NOS3: variants seen among roughly 807,000 people sequenced by gnomAD.
NOS3 encodes nitric oxide synthase 3.
NOS3 carries 98 observed loss-of-function variants against 144.9 expected under a neutral mutation model. The ratio of observed to expected loss-of-function variants is 0.68; its 90% CI spans 0.57 to 0.80. The LOEUF is 0.80. Ranked by LOEUF, NOS3 falls within the 30% of genes least tolerant of loss-of-function variation. NOS3 has a pLI of 0.00. For synonymous variants in NOS3, 714 were observed against 702.4 expected, an observed-to-expected ratio of 1.02 and a Z score of -0.26; for missense variants, 1,465 against 1,656.4, an observed-to-expected ratio of 0.88 and a Z score of 2.01.
Position 151,002,236 on chromosome 7 carries a change from G to A in NOS3, c.1684G>A (p.Glu562Lys), listed in dbSNP as rs751831161. 6.2e-7 allele frequency: 1 copy of A among 1,601,380 alleles called. No homozygotes were observed. The highest frequency in any genetic ancestry group is 1.7e-5 in the Admixed American group (1 of 58,040). ...GGATGAGTATGACGTGGTGTCCCTC[G>A]AACACGAGACGCTGGTGCTGGTGGT... The part of the protein sequence containing the change: ...CMDEYDVVSL[E>K]HETLVLVVTS... The change falls in exon 14 of 27, where the codon GAA becomes AAA. Residue 562 changes from glutamate (E) to lysine (K), a missense_variant. Transcript: ENST00000297494. The surrounding 1 kb of genome is among the most constrained non-coding windows in gnomAD (Gnocchi z 4.1).
intron 14 of NOS3, among the ~76,000 whole-genome samples, chr7:151,004,725 A>T (rs1795179751): frequency 6.6e-6 from 1 of 152,266 alleles, no homozygotes. Context: ...TATAAAGTTC[A>T]GAAACAGGCA....
At chr7:151,011,820 G>A (rs540435018) in intron 23 of NOS3, 85 of 442,812 alleles carry the variant, frequency 1.9e-4, no homozygotes, top group African/African-American at 8.9e-4. Flanking sequence ...CACCGCGCCC[G>A]GACCGAGGGT....
In NOS3 at chr7:151,014,363, G is replaced by T. The variant is rs1584916620; in HGVS notation, c.*194G>T. 2 of 616,220 alleles carry T rather than the reference G, an allele frequency of 3.2e-6. No individual in the cohort carries two copies. Among genetic ancestry groups the T allele is most frequent in the Non-Finnish European group, 5.4e-6 (2 of 372,616 alleles). The allele number at this position is 616,220 out of a possible 1,614,324, so 38.2% of individuals were successfully genotyped here. A position where few individuals can be genotyped will look rare whatever the true frequency, so the allele number is the denominator to read the frequency against. On this transcript the variant is annotated 3_prime_UTR_variant, in exon 27 of 27. Coordinates refer to ENST00000297494, the MANE Select transcript of NOS3 (RefSeq NM_000603.5). Reference sequence around the variant, plus strand: ...TTCCCTCTCTAGGCCTGTTGCCTCGGGCCTGGGTCCGCCTTAATCTGGAAG... The same window carrying T: ...TTCCCTCTCTAGGCCTGTTGCCTCGTGCCTGGGTCCGCCTTAATCTGGAAG...
chr7:151,003,473 C>T lies in NOS3; in HGVS notation c.1752+1169C>T. 8.2e-7 allele frequency: 1 copy of T among 1,226,198 alleles called. No homozygotes were observed. The highest frequency in any genetic ancestry group is 1.0e-6 in the Non-Finnish European group (1 of 954,186). The allele number at this position is 1,226,198 out of a possible 1,614,324, so 76.0% of individuals were successfully genotyped here. ...AATCTCGTGAAACCCTTTTTGCTGCCTTAGTGTCCGTTTCAGCCCTCATTC... is the reference window on the plus strand; with the variant it reads ...AATCTCGTGAAACCCTTTTTGCTGCTTTAGTGTCCGTTTCAGCCCTCATTC... On this transcript the variant is annotated intron_variant, in intron 14 of 26. Coordinates refer to ENST00000297494, the MANE Select transcript of NOS3 (RefSeq NM_000603.5). This position sits in a 1 kb window ranked among gnomAD's most constrained non-coding sequence, Gnocchi z 4.1.
Position 151,006,938 on chromosome 7 carries a change from T to C in NOS3, c.1870T>C (p.Ser624Pro). ...NSISCSDPLV[S>P]SWRRKRKESS... The stretch of plus-strand genomic sequence containing the variant: ...CATCTCCTGCTCAGACCCACTGGTG[T>C]CCTCTTGGCGGCGGAAGAGGAAGGA... The change falls in exon 16 of 27, where the codon TCC becomes CCC. Residue 624 changes from serine to proline, a missense_variant. Physicochemically the swap from Ser to Pro is moderately conservative, Grantham distance 74. Transcript: ENST00000297494. 9 of 1,614,082 alleles carry C rather than the reference T, an allele frequency of 5.6e-6. No individual in the cohort carries two copies. The highest frequency in any genetic ancestry group is 7.6e-6 in the Non-Finnish European group (9 of 1,180,000).
At chr7:151,010,360 A>AC in intron 21 of NOS3, 73 bp downstream of exon 21, 1 of 1,423,092 alleles carries the variant, frequency 7.0e-7, no homozygotes. Context: ...GTGGCAGGAA[A>AC]CCCCCATGCA....
rs760418997 is a variant in NOS3, at chr7:151,003,346, T to C, written c.1752+1042T>C. The C allele has an allele frequency of 2.1e-6, 2 of 955,526 alleles. No homozygotes were observed. The highest frequency in any genetic ancestry group is 1.4e-5 in the South Asian group (1 of 70,356). The allele number at this position is 955,526 out of a possible 1,614,324, so 59.2% of individuals were successfully genotyped here. The stretch of plus-strand genomic sequence containing the variant: ...TCGCCATGTTGCCCAGGCTGGTCTC[T>C]AACTCCTGGGTTCAAGCAATCCACC... On this transcript the variant is annotated intron_variant, in intron 14 of 26. Coordinates refer to ENST00000297494, the MANE Select transcript of NOS3 (RefSeq NM_000603.5). This position sits in a 1 kb window ranked among gnomAD's most constrained non-coding sequence, Gnocchi z 4.1.
intron 15 of NOS3, among the ~76,000 whole-genome samples, 154 bp from the exon 16 acceptor site, chr7:151,006,735 G>C (rs1795211566): frequency 6.6e-6 from 1 of 152,182 alleles, no homozygotes; most frequent in Admixed American, 6.5e-5. Context: ...CCCAGGCTCG[G>C]AACCCCAGGG....
Position 151,013,712 on chromosome 7 carries a change from G to A in NOS3, c.3256-12G>A, listed in dbSNP as rs77325852. On this transcript the variant is annotated splice_polypyrimidine_tract_variant and intron_variant, in intron 25 of 26. Coordinates refer to ENST00000297494, the MANE Select transcript of NOS3 (RefSeq NM_000603.5). Reference sequence around the variant, plus strand: ...CCCCACCAGGGCCCGCCCTAACCCCGCCGCCCCGCAGACCTACGTGCAGGA... The same window carrying A: ...CCCCACCAGGGCCCGCCCTAACCCCACCGCCCCGCAGACCTACGTGCAGGA... The A allele has an allele frequency of 0.014, 16,510 of 1,157,552 alleles. 1,400 individuals carry two copies. The African/African-American group carries it at 0.2, about 14-fold the overall frequency. The allele number at this position is 1,157,552 out of a possible 1,614,324, so 71.7% of individuals were successfully genotyped here. A position where few individuals can be genotyped will look rare whatever the true frequency, so the allele number is the denominator to read the frequency against.
intron 1 of NOS3, among the ~76,000 whole-genome samples, 177 bp downstream of exon 1, chr7:150,991,477 CCA>C (rs1802254530): frequency 1.3e-5 from 2 of 152,184 alleles, no homozygotes; most frequent in Non-Finnish European, 2.9e-5. Flanking sequence ...ACGAGAAAGC[CCA>C]TTTGTCTAGA....
At chr7:151,008,908 C>T (rs770142858) in intron 17 of NOS3, 22 bp from the exon 18 acceptor site, 2 of 1,597,930 alleles carry the variant, frequency 1.3e-6, no homozygotes, top group South Asian at 2.3e-5. Context: ...AGGTCCTCAG[C>T]CCTCACCGGC....
At chr7:150,991,700 G>A (rs1225527697) in intron 1 of NOS3, among the ~76,000 whole-genome samples, 1 of 152,192 alleles carries the variant, frequency 6.6e-6, no homozygotes, top group African/African-American at 2.4e-5. Flanking sequence ...CAGTGGTGCA[G>A]GCAAGAAGAC....
At position 151,001,817 on chromosome 7, in the gene NOS3, G is replaced by A. The variant is rs745693447; in HGVS notation, c.1503-4G>A. On this transcript the variant is annotated splice_polypyrimidine_tract_variant and splice_region_variant and intron_variant, in intron 12 of 26. Transcript: ENST00000297494. ...GGACACCCTCACACCTTCCTCTCCC[G>A]CAGCGCCGTGAAGATCTCCGCCTCG... is the stretch of plus-strand genomic sequence containing the variant. The A allele has an allele frequency of 1.2e-5, 19 of 1,613,476 alleles. No individual in the cohort carries two copies. Among genetic ancestry groups the A allele is most frequent in the Middle Eastern group, 1.6e-4 (1 of 6,084 alleles).
Position 151,002,147 on chromosome 7 carries a change from G to T in NOS3, c.1648-53G>T. The stretch of plus-strand genomic sequence containing the variant: ...CTGCCAGGGAGGCCAGAGTGAGGAG[G>T]GCAGGGCCTCCGGGGGCCACAGCAC... On this transcript the variant is annotated intron_variant, in intron 13 of 26. Transcript: ENST00000297494. This position sits in a 1 kb window ranked among gnomAD's most constrained non-coding sequence, Gnocchi z 4.1. 1 of 1,430,816 alleles carries T rather than the reference G, an allele frequency of 7.0e-7. No homozygotes were observed. Among genetic ancestry groups the T allele is most frequent in the Non-Finnish European group, 9.7e-7 (1 of 1,031,854 alleles). 88.6% of individuals were successfully genotyped at this position (1,430,816 alleles called of 1,614,324 possible). A position where few individuals can be genotyped will look rare whatever the true frequency, so the allele number is the denominator to read the frequency against.
Position 150,993,423 on chromosome 7 carries a change from G to C in NOS3, c.-51-330G>C, listed in dbSNP as rs764012820. On this transcript the variant is annotated intron_variant, in intron 1 of 26. Coordinates refer to ENST00000297494, the MANE Select transcript of NOS3 (RefSeq NM_000603.5). The surrounding 1 kb of genome is among the most constrained non-coding windows in gnomAD (Gnocchi z 4.0). The stretch of plus-strand genomic sequence containing the variant: ...AAGGCACACAGGGGTGAGGCCGAAG[G>C]CCCTTCCGTCTGGTGCCACATCACA... 3.3e-5 allele frequency among the ~76,000 whole-genome samples: 5 copies of C among 152,140 alleles called. No homozygotes were observed. The highest frequency in any genetic ancestry group is 1.2e-4 in the African/African-American group (5 of 41,426).
chr7:150,998,449 G>A lies in NOS3; in HGVS notation c.674+1G>A. On this transcript the variant is annotated splice_donor_variant, in intron 6 of 26. Transcript: ENST00000297494. LOFTEE classifies it high-confidence loss of function. The surrounding 1 kb of genome is among the most constrained non-coding windows in gnomAD (Gnocchi z 5.0). ...ATGCCACCAACCGGGGCAACCTTCG[G>A]TGAGTGCCCCCCACCATGCCAGGCC... The A allele has an allele frequency of 6.2e-7, 1 of 1,612,210 alleles. No homozygotes were observed. Among genetic ancestry groups the A allele is most frequent in the Non-Finnish European group, 8.5e-7 (1 of 1,179,740 alleles).
At position 151,006,812 on chromosome 7, in the gene NOS3, G is replaced by A. The variant is rs554105643; in HGVS notation, c.1821-77G>A. Reference sequence around the variant, plus strand: ...TCCCAGAGGCAGAGACCCTGAAGCCGTCCCTGGGGCTGGGGCTGGGCCTAG... The same window carrying A: ...TCCCAGAGGCAGAGACCCTGAAGCCATCCCTGGGGCTGGGGCTGGGCCTAG... On this transcript the variant is annotated intron_variant, in intron 15 of 26. Coordinates refer to ENST00000297494, the MANE Select transcript of NOS3 (RefSeq NM_000603.5). The A allele has an allele frequency of 6.1e-4, 719 of 1,185,256 alleles. 2 individuals carry two copies. Among genetic ancestry groups the A allele is most frequent in the Middle Eastern group, 3.4e-3 (13 of 3,782 alleles). The allele number at this position is 1,185,256 out of a possible 1,614,324, so 73.4% of individuals were successfully genotyped here.
Position 151,003,427 on chromosome 7 carries a change from T to A in NOS3, c.1752+1123T>A, listed in dbSNP as rs2566508. 2.5e-6 allele frequency: 3 copies of A among 1,217,810 alleles called. No individual in the cohort carries two copies. Among genetic ancestry groups the A allele is most frequent in the Non-Finnish European group, 3.2e-6 (3 of 952,064 alleles). 75.4% of individuals were successfully genotyped at this position (1,217,810 alleles called of 1,614,324 possible). A position where few individuals can be genotyped will look rare whatever the true frequency, so the allele number is the denominator to read the frequency against. ...AGACGTGAGCCACTGCACCTGGCCC[T>A]CAGTATCTTAAGCAAGTTGGAATCT... On this transcript the variant is annotated intron_variant, in intron 14 of 26. Coordinates refer to ENST00000297494, the MANE Select transcript of NOS3 (RefSeq NM_000603.5). This position sits in a 1 kb window ranked among gnomAD's most constrained non-coding sequence, Gnocchi z 4.1.
chr7:151,007,471 C>T (rs550345584), intron 17 of NOS3, among the ~76,000 whole-genome samples, 195 bp downstream of exon 17: 1 of 152,330 alleles, frequency 6.6e-6, no homozygotes, highest in East Asian at 1.9e-4. Flanking sequence ...ACAGGGGTGC[C>T]TAGCCCAGGC....
Sources: allele counts gnomAD v4.1 joint callset (sites outside exome capture counted in the v4.1 genomes callset), GRCh38; gene constraint gnomAD v4.1.1; non-coding constraint Gnocchi (gnomAD v3.1); transcripts MANE v1.5; gene names NCBI Gene and HGNC (gene_info 2026-07-23, HGNC 2026-07-21).